Variants in UNC5D observed in about 807,000 individuals in gnomAD.
The protein encoded by UNC5D is netrin receptor UNC5D.
In UNC5D, 39 loss-of-function variants were observed where a neutral mutation model predicts 105.4. The ratio of observed to expected loss-of-function variants is 0.37; its 90% confidence interval spans 0.29 to 0.48. The LOEUF (loss-of-function observed/expected upper bound fraction) is 0.48. Among genes scored for constraint, UNC5D ranks in the 20% least tolerant of loss-of-function variants. The pLI is 0.98. For synonymous variants in UNC5D, 452 were observed against 450.4 expected, an observed-to-expected ratio of 1.00 and a Z score of -0.04; for missense variants, 991 against 1,202.4, an observed-to-expected ratio of 0.82 and a Z score of 2.60.
At chr8:35,635,407 C>T in intron 4 of UNC5D, among the ~76,000 whole-genome samples, 1 of 152,188 alleles carries the variant, frequency 6.6e-6, no homozygotes, top group East Asian at 1.9e-4. Flanking sequence ...TGTTTGTCAT[C>T]TGCTTTTCCT....
At chr8:35,306,406 C>A (rs1392444278) in intron 1 of UNC5D, among the ~76,000 whole-genome samples, 4 of 151,928 alleles carry the variant, frequency 2.6e-5, no homozygotes, top group African/African-American at 7.2e-5. Flanking sequence ...GGGAGAGATG[C>A]TTTTAACTTG....
At chr8:35,381,789 G>A (rs943654678) in intron 1 of UNC5D, among the ~76,000 whole-genome samples, 6 of 152,136 alleles carry the variant, frequency 3.9e-5, no homozygotes, top group East Asian at 3.9e-4. Context: ...TTATCACAAA[G>A]CATATAGTCA....
At chr8:35,508,371 T>C (rs1404992163) in intron 1 of UNC5D, among the ~76,000 whole-genome samples, 3 of 152,224 alleles carry the variant, frequency 2.0e-5, no homozygotes, top group Non-Finnish European at 2.9e-5. Context: ...TTTTAAATTA[T>C]CCTCATCTGC....
chr8:35,523,203 C>A (rs755487240), intron 1 of UNC5D, among the ~76,000 whole-genome samples: 4 of 151,876 alleles, frequency 2.6e-5, no homozygotes, highest in Non-Finnish European at 5.9e-5. Context: ...CTAACTCAGC[C>A]TCTCAGGTGG....
At chr8:35,743,655 T>G (rs1291970902) in intron 11 of UNC5D, among the ~76,000 whole-genome samples, 1 of 151,918 alleles carries the variant, frequency 6.6e-6, no homozygotes, top group Non-Finnish European at 1.5e-5. Flanking sequence ...TGCAATAATA[T>G]CAAGAATTCC....
intron 12 of UNC5D, among the ~76,000 whole-genome samples, chr8:35,749,755 C>T (rs1393754388): frequency 1.3e-5 from 2 of 152,044 alleles, no homozygotes; most frequent in Non-Finnish European, 2.9e-5. Context: ...TTTTTCTTCC[C>T]AGCACTTCCT....
In UNC5D at chr8:35,539,189, A is replaced by G. The variant is rs186199552; in HGVS notation, c.104-10103A>G. 1.2e-4 allele frequency among the ~76,000 whole-genome samples: 18 copies of G among 152,286 alleles called. No homozygotes were observed. In the East Asian group the frequency reaches 3.1e-3, roughly 26 times the overall value. On this transcript the variant is annotated intron_variant, in intron 1 of 16. Coordinates refer to ENST00000404895, the MANE Select transcript of UNC5D (RefSeq NM_080872.4). ...CCAAAATATTAAGTATACATCAGAA[A>G]CAGATACTAGAATGAATCATATCAA...
At chr8:35,398,357 C>T (rs1804231197) in intron 1 of UNC5D, among the ~76,000 whole-genome samples, 1 of 152,108 alleles carries the variant, frequency 6.6e-6, no homozygotes, top group African/African-American at 2.4e-5. Context: ...CTCATAATCA[C>T]TAATTATATC....
intron 11 of UNC5D, among the ~76,000 whole-genome samples, chr8:35,732,933 T>C (rs2131580752): frequency 6.6e-6 from 1 of 152,278 alleles, no homozygotes; most frequent in Middle Eastern, 3.4e-3. Flanking sequence ...CAGCTTGGCC[T>C]CCTGTGGTCA....
At chr8:35,635,835 C>T (rs564314827) in intron 4 of UNC5D, among the ~76,000 whole-genome samples, 1 of 150,994 alleles carries the variant, frequency 6.6e-6, no homozygotes, top group African/African-American at 2.4e-5. Flanking sequence ...GATTTTCCTT[C>T]CTCATCAAGG....
chr8:35,568,011 A>C, intron 2 of UNC5D, 87 bp from the exon 3 acceptor site: 3 of 1,536,574 alleles, frequency 2.0e-6, no homozygotes, highest in Non-Finnish European at 2.6e-6. Flanking sequence ...TGTTTAATTA[A>C]AAAGAAAAGG....
chr8:35,434,511 A>G (rs930045058), intron 1 of UNC5D, among the ~76,000 whole-genome samples: 1 of 152,098 alleles, frequency 6.6e-6, no homozygotes, highest in African/African-American at 2.4e-5. Flanking sequence ...CAGACTTTTT[A>G]CACACTATTG....
rs181044951 is a variant in UNC5D, at chr8:35,312,416, G to C, written c.103+76529G>C. ...AAACAGCATTGCTTTGCTTCTCCTT[G>C]ATGACTTTAAAGTTTAATGCTCTGT... On this transcript the variant is annotated intron_variant, in intron 1 of 16. Transcript: ENST00000404895. Among the ~76,000 whole-genome samples, 3 of 152,230 alleles carry C rather than the reference G, an allele frequency of 2.0e-5. No individual in the cohort carries two copies. In the East Asian group the frequency reaches 5.8e-4, roughly 29 times the overall value.
chr8:35,567,972 T>TA, intron 2 of UNC5D, 126 bp from the exon 3 acceptor site: 1 of 1,418,478 alleles, frequency 7.0e-7, no homozygotes, highest in Admixed American at 2.2e-5. Context: ...TCAAAGTAAT[T>TA]AAAACCTTGC....
chr8:35,708,652 A>G (rs1027123557), intron 8 of UNC5D, among the ~76,000 whole-genome samples: 1 of 152,146 alleles, frequency 6.6e-6, no homozygotes, highest in Admixed American at 6.5e-5. Context: ...TGAGCTTCTG[A>G]GTAGCAGCTG....
chr8:35,681,057 T>C (rs892165195), intron 4 of UNC5D, among the ~76,000 whole-genome samples: 2 of 152,134 alleles, frequency 1.3e-5, no homozygotes, highest in Non-Finnish European at 2.9e-5. Flanking sequence ...GTGATGGGAA[T>C]TTAAAATACC....
At chr8:35,268,788 C>T (rs1563264889) in intron 1 of UNC5D, among the ~76,000 whole-genome samples, 1 of 151,950 alleles carries the variant, frequency 6.6e-6, no homozygotes, top group African/African-American at 2.4e-5. Flanking sequence ...TTTATCTCTG[C>T]CTTAAGGATG....
chr8:35,564,355 G>C (rs1273510930), intron 2 of UNC5D, among the ~76,000 whole-genome samples: 2 of 152,062 alleles, frequency 1.3e-5, no homozygotes, highest in Non-Finnish European at 2.9e-5. Flanking sequence ...GCTTTAATAG[G>C]TCTCCCTGTT....
At chr8:35,606,585 C>A (rs1820307570) in intron 4 of UNC5D, among the ~76,000 whole-genome samples, 1 of 152,116 alleles carries the variant, frequency 6.6e-6, no homozygotes, top group Admixed American at 6.5e-5. Context: ...CCACCCTCTC[C>A]CCTCGAGTAG....
Sources: allele counts gnomAD v4.1 joint callset (sites outside exome capture counted in the v4.1 genomes callset), GRCh38; gene constraint gnomAD v4.1.1; transcripts MANE v1.5; gene names NCBI Gene and HGNC (gene_info 2026-07-23, HGNC 2026-07-21).